TENM4: variants seen among roughly 807,000 people sequenced by gnomAD.
TENM4 encodes the protein teneurin-4.
TENM4 carries 82 observed loss-of-function variants against 243.3 expected under a neutral mutation model. The ratio of observed to expected loss-of-function variants is 0.34; its 90% CI spans 0.28 to 0.40. TENM4 has a LOEUF of 0.40. Among genes scored for constraint, TENM4 ranks in the 10% least tolerant of loss-of-function variants. The pLI is 1.00. For missense variants in TENM4, 3,138 were observed against 3,673.3 expected (o/e 0.85, Z 3.77); for synonymous variants, 1,412 against 1,456.3 (o/e 0.97, Z 0.69).
chr11:78,833,749 G>A (rs925508498), intron 12 of TENM4, among the ~76,000 whole-genome samples: 8 of 152,176 alleles, frequency 5.3e-5, no homozygotes, highest in Admixed American at 3.3e-4. Flanking sequence ...AAGGTGAATC[G>A]GGGGTATGAT....
At chr11:79,199,473 C>A (rs557997779) in intron 3 of TENM4, among the ~76,000 whole-genome samples, 1 of 152,286 alleles carries the variant, frequency 6.6e-6, no homozygotes, top group South Asian at 2.1e-4. Context: ...TTACCTGATA[C>A]GTGGTGAGCC....
At chr11:79,251,489 A>G (rs182297161) in intron 2 of TENM4, among the ~76,000 whole-genome samples, 2 of 152,378 alleles carry the variant, frequency 1.3e-5, no homozygotes, top group East Asian at 1.9e-4. Context: ...TGCTTGCTCA[A>G]ATCAGGCACG....
At chr11:79,204,195 T>C (rs1863802378) in intron 3 of TENM4, among the ~76,000 whole-genome samples, 1 of 152,104 alleles carries the variant, frequency 6.6e-6, no homozygotes, top group Admixed American at 6.5e-5. Flanking sequence ...TAAAACGGAT[T>C]CTGGTGATGG....
chr11:79,267,173 A>T (rs7924408), intron 2 of TENM4, among the ~76,000 whole-genome samples: 2,054 of 152,274 alleles, frequency 0.013, 55 homozygotes, highest in African/African-American at 0.047. Context: ...GTCAGTTCTA[A>T]TTCTAATCAG....
At chr11:79,056,316 G>A (rs1859942224) in intron 6 of TENM4, among the ~76,000 whole-genome samples, 1 of 152,100 alleles carries the variant, frequency 6.6e-6, no homozygotes. Context: ...CCATGGCTCT[G>A]AGCCTTCCTT....
intron 6 of TENM4, among the ~76,000 whole-genome samples, chr11:78,981,834 C>A (rs186407059): frequency 6.6e-6 from 1 of 152,306 alleles, no homozygotes; most frequent in Admixed American, 6.5e-5. Context: ...CCACTGCTTT[C>A]GTTTCCACCC....
chr11:79,251,184 G>C (rs995041734), intron 2 of TENM4, among the ~76,000 whole-genome samples: 8 of 152,148 alleles, frequency 5.3e-5, no homozygotes, highest in African/African-American at 1.7e-4. Flanking sequence ...GTAGCTCTGG[G>C]CCATGTGAGG....
intron 27 of TENM4, among the ~76,000 whole-genome samples, chr11:78,703,022 G>A (rs923393157): frequency 2.6e-5 from 4 of 152,222 alleles, no homozygotes; most frequent in African/African-American, 7.2e-5. Flanking sequence ...CATGGCCTCT[G>A]TCTGTCATAG....
chr11:78,976,964 A>G (rs1173124849), intron 6 of TENM4, among the ~76,000 whole-genome samples: 1 of 152,224 alleles, frequency 6.6e-6, no homozygotes, highest in Admixed American at 6.5e-5. Context: ...TCTCGCACTC[A>G]GCAATATTAC....
chr11:78,753,455 G>T (rs778349452), intron 19 of TENM4, among the ~76,000 whole-genome samples: 2 of 152,210 alleles, frequency 1.3e-5, no homozygotes, highest in Non-Finnish European at 2.9e-5. Flanking sequence ...CTGGGTAGTT[G>T]ATTTCACTTT....
At chr11:79,294,674 C>T (rs1017206706) in intron 2 of TENM4, among the ~76,000 whole-genome samples, 6 of 152,014 alleles carry the variant, frequency 3.9e-5, no homozygotes, top group Non-Finnish European at 5.9e-5. Flanking sequence ...CATGGTGAAA[C>T]CCTGTCTCTA....
chr11:78,962,544 C>T (rs181244610), intron 6 of TENM4, among the ~76,000 whole-genome samples: 7 of 152,252 alleles, frequency 4.6e-5, no homozygotes, highest in African/African-American at 4.8e-5. Context: ...CTGCAAACTC[C>T]TTCTGAAGAG....
At chr11:78,853,653 A>G (rs1381661017) in intron 12 of TENM4, among the ~76,000 whole-genome samples, 1 of 152,222 alleles carries the variant, frequency 6.6e-6, no homozygotes, top group African/African-American at 2.4e-5. Flanking sequence ...TCAAGCCTGT[A>G]TCCTCTTTTC....
At chr11:78,697,416 T>C (rs1858995023) in intron 28 of TENM4, among the ~76,000 whole-genome samples, 1 of 152,170 alleles carries the variant, frequency 6.6e-6, no homozygotes, top group African/African-American at 2.4e-5. Flanking sequence ...CTTATTTTCA[T>C]GATAAGGTTG....
chr11:78,822,831 TAAG>T (rs771842014), intron 12 of TENM4, among the ~76,000 whole-genome samples: 12 of 152,216 alleles, frequency 7.9e-5, no homozygotes, highest in Non-Finnish European at 5.9e-5. Flanking sequence ...AAGTTAAAAT[TAAG>T]AAGAAGTCAT....
chr11:79,439,047 A>G (rs1431557285), intron 1 of TENM4: 2 of 151,896 alleles, frequency 1.3e-5, no homozygotes, highest in Non-Finnish European at 2.9e-5. Flanking sequence ...GAGGCAGCTT[A>G]TGTAATTGCC....
chr11:79,374,392 C>T (rs950077930), intron 1 of TENM4, among the ~76,000 whole-genome samples: 5 of 152,042 alleles, frequency 3.3e-5, no homozygotes, highest in Admixed American at 6.5e-5. Flanking sequence ...GAAACTAAGG[C>T]GATAAACATT....
chr11:78,673,824 C>T (rs1385778483), intron 30 of TENM4, among the ~76,000 whole-genome samples: 2 of 152,178 alleles, frequency 1.3e-5, no homozygotes, highest in Admixed American at 6.5e-5. Flanking sequence ...TTGAAAATAA[C>T]GATTTATAAT....
intron 26 of TENM4, among the ~76,000 whole-genome samples, chr11:78,709,071 A>G (rs1156967063): frequency 6.7e-6 from 1 of 149,028 alleles, no homozygotes; most frequent in Non-Finnish European, 1.5e-5. Context: ...AGGTTCAAGC[A>G]ATTCTTCTGC....
Sources: allele counts gnomAD v4.1 joint callset (sites outside exome capture counted in the v4.1 genomes callset), GRCh38; gene constraint gnomAD v4.1.1; transcripts MANE v1.5; gene names NCBI Gene and HGNC (gene_info 2026-07-23, HGNC 2026-07-21).